Variants in FSD1L observed in about 807,000 individuals in gnomAD.
FSD1L encodes the protein fibronectin type III and SPRY domain containing 1 like.
In FSD1L, 45 loss-of-function variants were observed where a neutral mutation model predicts 71.6. The observed-to-expected ratio is 0.63, with a 90% CI of 0.49 to 0.81. The LOEUF (loss-of-function observed/expected upper bound fraction) is 0.81. Among genes scored for constraint, FSD1L ranks in the 30% least tolerant of loss-of-function variants. The probability of loss-of-function intolerance (pLI) is 0.00; values close to 1 mark genes in which losing one functional copy is unlikely to be tolerated. For synonymous variants in FSD1L, 197 were observed against 207.2 expected (o/e 0.95, Z 0.42); for missense variants, 561 against 618.1 (o/e 0.91, Z 0.98).
chr9:105,489,440 A>G (rs1361958408), intron 7 of FSD1L, among the ~76,000 whole-genome samples: 2 of 152,186 alleles, frequency 1.3e-5, no homozygotes, highest in Non-Finnish European at 2.9e-5. Context: ...AACAAAAGAA[A>G]GCAAAATAAA....
At chr9:105,443,646 A>G (rs960042095), upstream of FSD1L, among the ~76,000 whole-genome samples, 4 of 152,072 alleles carry the variant, frequency 2.6e-5, no homozygotes, top group African/African-American at 9.7e-5. Context: ...GGCAGGAAAA[A>G]CAAGACCGGG....
At chr9:105,444,237 A>G (rs181436027), upstream of FSD1L, among the ~76,000 whole-genome samples, 12 of 152,350 alleles carry the variant, frequency 7.9e-5, no homozygotes, top group Admixed American at 7.8e-4. Flanking sequence ...TTGTTAAATA[A>G]TACTAGCCAG....
the FSD1L span, among the ~76,000 whole-genome samples, chr9:105,442,462 T>C: frequency 6.6e-6 from 1 of 151,842 alleles, no homozygotes; most frequent in Non-Finnish European, 1.5e-5. Flanking sequence ...GCAGATTGCT[T>C]GAGCTCAAGA....
chr9:105,520,461 TA>T (rs1323885397), intron 10 of FSD1L: 2 of 1,065,974 alleles, frequency 1.9e-6, no homozygotes, highest in Non-Finnish European at 1.5e-6. Flanking sequence ...AAGCTAGTCT[TA>T]AACAGAAAGG....
In FSD1L at chr9:105,546,991, A is replaced by AT. The variant is rs987045639; in HGVS notation, c.*513dup. 2 of 151,930 alleles carry AT rather than the reference A, an allele frequency of 1.3e-5. No homozygotes were observed. The highest frequency in any genetic ancestry group is 2.9e-5 in the Non-Finnish European group (2 of 67,942). The allele number at this position is 151,930 out of a possible 1,614,324, so 9.4% of individuals were successfully genotyped here. ...TGGTAAAAAGGTTTTCAAATGGTTT[A>AT]TTTTTCCTCTTTTATAAATAAGTTT... On this transcript the variant is annotated 3_prime_UTR_variant, in exon 14 of 14. Transcript: ENST00000481272.
intron 7 of FSD1L, among the ~76,000 whole-genome samples, chr9:105,500,406 G>A (rs1223714305): frequency 1.3e-5 from 2 of 152,150 alleles, no homozygotes; most frequent in African/African-American, 4.8e-5. Context: ...TTTTTCGGTG[G>A]AACAGGATGG....
chr9:105,456,664 C>G (rs904256222), intron 1 of FSD1L, among the ~76,000 whole-genome samples: 2 of 152,150 alleles, frequency 1.3e-5, no homozygotes, highest in Non-Finnish European at 2.9e-5. Flanking sequence ...ATAGTCACAT[C>G]ATTGTATTTT....
chr9:105,463,310 A>G (rs1411704033), intron 2 of FSD1L, among the ~76,000 whole-genome samples: 1 of 152,204 alleles, frequency 6.6e-6, no homozygotes, highest in Non-Finnish European at 1.5e-5. Context: ...TACAGAAAAA[A>G]GTCCTATGCT....
intron 10 of FSD1L, among the ~76,000 whole-genome samples, chr9:105,519,926 G>A (rs1300708391): frequency 6.6e-6 from 1 of 152,248 alleles, no homozygotes; most frequent in East Asian, 1.9e-4. Context: ...TGGGGCCGAA[G>A]GTGCCTTGGA....
chr9:105,486,826 G>C (rs1328746315), intron 7 of FSD1L, among the ~76,000 whole-genome samples: 2 of 152,086 alleles, frequency 1.3e-5, no homozygotes, highest in Non-Finnish European at 2.9e-5. Flanking sequence ...TAGTACAAAA[G>C]AGTATAAAGT....
chr9:105,457,736 C>T (rs529495496), intron 1 of FSD1L, among the ~76,000 whole-genome samples: 31 of 152,280 alleles, frequency 2.0e-4, no homozygotes, highest in Admixed American at 8.5e-4. Context: ...CCACACCTGC[C>T]GAGGGCGAGC....
intron 1 of FSD1L, among the ~76,000 whole-genome samples, chr9:105,454,079 A>G (rs1466158253): frequency 6.6e-6 from 1 of 152,224 alleles, no homozygotes; most frequent in Non-Finnish European, 1.5e-5. Context: ...AGTTTATTGT[A>G]GGAAAATAAG....
rs1475024835 is a variant in FSD1L at position 105,513,559 on chromosome 9, TA to T, written c.1025+627del. The T allele has an allele frequency of 4.0e-6, 6 of 1,504,770 alleles. No homozygotes were observed. The African/African-American group carries it at 6.9e-5, about 17-fold the overall frequency. 93.2% of individuals were successfully genotyped at this position (1,504,770 alleles called of 1,614,324 possible). ...ATTATAAGCTGTTAAATTTAAGTTGTAAAACAGTTTCTTAACAGTTGCCTGT... is the reference window on the plus strand; with the variant it reads ...ATTATAAGCTGTTAAATTTAAGTTGTAAACAGTTTCTTAACAGTTGCCTGT... On this transcript the variant is annotated intron_variant, in intron 10 of 13. Transcript: ENST00000481272.
At chr9:105,525,212 A>C (rs1483059514) in intron 10 of FSD1L, 2 of 1,604,340 alleles carry the variant, frequency 1.2e-6, no homozygotes, top group African/African-American at 2.7e-5. Flanking sequence ...TATAACCGTA[A>C]AAGATGGACT....
chr9:105,534,559 A>G lies in FSD1L; in HGVS notation c.1092A>G (p.Arg364=). Residue 364 remains arginine, a synonymous_variant, in exon 11 of 14, where the codon AGA becomes AGG. Transcript: ENST00000481272. ...GGCCACCAGCAGTAAGAGGCAGTAG[A>G]GATCGTTTTACTGGAGAATCATACA... ...GSRPPAVRGS[R]DRFTGESYTV... is the part of the protein sequence containing the mutation. 6.4e-7 allele frequency: 1 copy of G among 1,550,656 alleles called. No individual in the cohort carries two copies. Among genetic ancestry groups the G allele is most frequent in the Non-Finnish European group, 8.7e-7 (1 of 1,145,760 alleles).
intron 1 of FSD1L, among the ~76,000 whole-genome samples, chr9:105,459,164 A>G (rs975490205): frequency 6.6e-6 from 1 of 152,198 alleles, no homozygotes; most frequent in African/African-American, 2.4e-5. Context: ...ACCACCATAG[A>G]GAAAATTTTA....
chr9:105,529,321 A>G (rs1835741202), intron 10 of FSD1L, among the ~76,000 whole-genome samples: 1 of 152,242 alleles, frequency 6.6e-6, no homozygotes, highest in African/African-American at 2.4e-5. Flanking sequence ...AGTCACATGC[A>G]CACATATGTT....
At chr9:105,457,385 G>A (rs1830422329) in intron 1 of FSD1L, among the ~76,000 whole-genome samples, 1 of 152,136 alleles carries the variant, frequency 6.6e-6, no homozygotes. Flanking sequence ...AAGGTACAAT[G>A]GGAAGCTATT....
chr9:105,452,974 C>T (rs1030918015), intron 1 of FSD1L, among the ~76,000 whole-genome samples: 6 of 149,858 alleles, frequency 4.0e-5, no homozygotes, highest in African/African-American at 1.5e-4. Flanking sequence ...TGGGCTCAAA[C>T]GATTGACCCG....
Sources: allele counts gnomAD v4.1 joint callset (sites outside exome capture counted in the v4.1 genomes callset), GRCh38; gene constraint gnomAD v4.1.1; transcripts MANE v1.5; gene names NCBI Gene and HGNC (gene_info 2026-07-23, HGNC 2026-07-21).